LMF1: variants seen among roughly 807,000 people sequenced by gnomAD.
The protein encoded by LMF1 is transmembrane protein 112.
LMF1 carries 68 observed loss-of-function variants against 60.6 expected under a neutral mutation model. The observed-to-expected ratio is 1.12, with a 90% CI of 0.92 to 1.37. The LOEUF (loss-of-function observed/expected upper bound fraction) is 1.37. Ranked by LOEUF, LMF1 falls within the 40% of genes most tolerant of loss-of-function variation. The probability of loss-of-function intolerance (pLI) is 0.00; values close to 1 mark genes in which losing one functional copy is unlikely to be tolerated. For missense variants in LMF1, 948 were observed against 767.2 expected, an observed-to-expected ratio of 1.24 and a Z score of -2.78; for synonymous variants, 418 against 324.7, an observed-to-expected ratio of 1.29 and a Z score of -3.09.
At chr16:960,394 G>A (rs112986063) in intron 1 of LMF1, among the ~76,000 whole-genome samples, 1,356 of 51,622 alleles carry the variant, frequency 0.026, 14 homozygotes, top group African/African-American at 0.064. Context: ...ACGGGATCAC[G>A]ACCCAGACAC....
At chr16:865,927 G>A (rs765450139) in intron 10 of LMF1, among the ~76,000 whole-genome samples, 1 of 152,110 alleles carries the variant, frequency 6.6e-6, no homozygotes, top group Middle Eastern at 3.2e-3. Flanking sequence ...TTCAGATGTC[G>A]AGTGTTTTGT....
intron 3 of LMF1, among the ~76,000 whole-genome samples, chr16:914,564 ACTCCCTCT>A (rs2071220119): frequency 1.3e-5 from 1 of 75,820 alleles, no homozygotes; most frequent in Non-Finnish European, 2.7e-5. Flanking sequence ...CTGGTGACAC[ACTCCCTCT>A]TTCCCTCCCT....
At chr16:965,144 G>A (rs559018049) in intron 1 of LMF1, among the ~76,000 whole-genome samples, 3 of 152,330 alleles carry the variant, frequency 2.0e-5, no homozygotes, top group South Asian at 2.1e-4. Context: ...GGCTGTCCCC[G>A]TCACTCGGGA....
intron 2 of LMF1, among the ~76,000 whole-genome samples, chr16:948,728 T>TCAAAGCCAACGACAGAGTCAGAGCCAAC (rs1376466921): frequency 4.5e-5 from 3 of 66,488 alleles, no homozygotes; most frequent in African/African-American, 1.6e-4. Flanking sequence ...AGTCAGCCAA[T>TCAAAGCCAACGACAGAGTCAGAGCCAAC]GACAGAGTCA....
At chr16:905,127 C>A (rs1326087391) in intron 4 of LMF1, 15 of 168,766 alleles carry the variant, frequency 8.9e-5, no homozygotes, top group South Asian at 4.4e-4. Flanking sequence ...GTGGTGGTGA[C>A]CTCTGCACTG....
At chr16:939,243 A>C (rs1323754911) in intron 2 of LMF1, among the ~76,000 whole-genome samples, 1 of 116,138 alleles carries the variant, frequency 8.6e-6, no homozygotes, top group Non-Finnish European at 1.7e-5. Flanking sequence ...GGAACAGGAC[A>C]ACAGCACGCT....
intron 3 of LMF1, among the ~76,000 whole-genome samples, chr16:932,346 A>G (rs534667539): frequency 6.6e-6 from 1 of 151,984 alleles, no homozygotes; most frequent in East Asian, 1.9e-4. Context: ...GGGAACACAC[A>G]AGCCTCAGCC....
chr16:866,949 T>A (rs1479246679), intron 10 of LMF1, among the ~76,000 whole-genome samples: 2 of 152,172 alleles, frequency 1.3e-5, no homozygotes, highest in Non-Finnish European at 2.9e-5. Flanking sequence ...TTCTCTCACC[T>A]TCGGTCTTCC....
chr16:863,017 C>A (rs1443217512), intron 10 of LMF1, among the ~76,000 whole-genome samples: 3 of 152,020 alleles, frequency 2.0e-5, no homozygotes, highest in Non-Finnish European at 4.4e-5. Context: ...AGTTATAGGG[C>A]TATTTAAATT....
chr16:980,744 TC>T (rs974132135), intron 1 of LMF1: 3 of 150,544 alleles, frequency 2.0e-5, no homozygotes, highest in African/African-American at 7.4e-5. Context: ...GACGTTCGCC[TC>T]GGGGGGGGCA....
chr16:871,425 A>AG lies in LMF1; in HGVS notation c.898-85dup, dbSNP rs375226864. 6.4e-6 allele frequency: 8 copies of AG among 1,249,964 alleles called. No homozygotes were observed. In the South Asian group the frequency reaches 1.1e-4, roughly 17 times the overall value. The allele number at this position is 1,249,964 out of a possible 1,614,324, so 77.4% of individuals were successfully genotyped here. A position where few individuals can be genotyped will look rare whatever the true frequency, so the allele number is the denominator to read the frequency against. Reference sequence around the variant, plus strand: ...TGGCGCCTCTCTTCCTGGAGCAGGGAGGGGGGAGGGAACCTGCACCCAGCT... The same window carrying AG: ...TGGCGCCTCTCTTCCTGGAGCAGGGAGGGGGGGAGGGAACCTGCACCCAGCT... On this transcript the variant is annotated intron_variant, in intron 6 of 10. Coordinates refer to ENST00000262301, the MANE Select transcript of LMF1 (RefSeq NM_022773.4).
chr16:894,614 T>C (rs1253607817), intron 4 of LMF1, among the ~76,000 whole-genome samples: 1 of 152,116 alleles, frequency 6.6e-6, no homozygotes, highest in East Asian at 1.9e-4. Context: ...CAGTGGCACA[T>C]AAAGGACAGG....
At chr16:898,307 C>G (rs2070718443) in intron 4 of LMF1, among the ~76,000 whole-genome samples, 1 of 62,026 alleles carries the variant, frequency 1.6e-5, no homozygotes. Context: ...CCCCAAGCAC[C>G]TGGAAAAGGC....
intron 3 of LMF1, among the ~76,000 whole-genome samples, chr16:921,579 C>T (rs141339303): frequency 1.1e-4 from 16 of 152,314 alleles, no homozygotes; most frequent in East Asian, 1.9e-4. Flanking sequence ...GTGGGGATGA[C>T]GGGACTTTCT....
chr16:859,203 G>A (rs1272908728), intron 10 of LMF1, among the ~76,000 whole-genome samples: 1 of 126,998 alleles, frequency 7.9e-6, no homozygotes, highest in Non-Finnish European at 1.6e-5. Flanking sequence ...GGGTGTGAGT[G>A]GTGTCTCGGG....
At chr16:886,199 G>C (rs903242554) in intron 5 of LMF1, among the ~76,000 whole-genome samples, 2 of 152,196 alleles carry the variant, frequency 1.3e-5, no homozygotes, top group Admixed American at 1.3e-4. Context: ...AAGCCAGTAA[G>C]GGGCGCATGG....
At chr16:955,876 C>T (rs954111697) in intron 1 of LMF1, among the ~76,000 whole-genome samples, 1 of 152,234 alleles carries the variant, frequency 6.6e-6, no homozygotes, top group Non-Finnish European at 1.5e-5. Context: ...CACTTACTGC[C>T]TATAGGTGAG....
intron 1 of LMF1, among the ~76,000 whole-genome samples, chr16:957,865 G>A (rs28818513): frequency 0.07 from 10,621 of 152,152 alleles, 649 homozygotes; most frequent in African/African-American, 0.16. Context: ...GCCTTGGGCC[G>A]GGCGTGGTGG....
intron 4 of LMF1, chr16:901,372 TG>T (rs11350493): frequency 0.4 from 60,948 of 152,114 alleles, 13,767 homozygotes; most frequent in African/African-American, 0.61. Context: ...CACAGAGCTG[TG>T]GGGCTCCACC....
Sources: gnomAD v4.1 joint callset for allele counts (sites outside exome capture counted in the v4.1 genomes callset) on GRCh38, gnomAD v4.1.1 for gene constraint, MANE v1.5 for transcripts, NCBI Gene and HGNC (gene_info 2026-07-23, HGNC 2026-07-21) for gene names.